ERBB4: variants seen among roughly 807,000 people sequenced by gnomAD.
ERBB4 encodes receptor tyrosine-protein kinase erbB-4.
A neutral mutation model predicts 158.0 loss-of-function variants in ERBB4; 42 were observed. The observed-to-expected ratio is 0.27, with a 90% CI of 0.21 to 0.34. The LOEUF is 0.34. ERBB4 is among the 10% of genes least tolerant of loss of function. The pLI is 1.00. For synonymous variants in ERBB4, 583 were observed against 558.7 expected, an observed-to-expected ratio of 1.04 and a Z score of -0.61; for missense variants, 1,333 against 1,624.1, an observed-to-expected ratio of 0.82 and a Z score of 3.08.
chr2:211,609,370 T>C (rs1472816269), intron 19 of ERBB4, among the ~76,000 whole-genome samples: 1 of 152,094 alleles, frequency 6.6e-6, no homozygotes, highest in East Asian at 1.9e-4. Flanking sequence ...TCAACAAGAA[T>C]TTAGACAGAC....
At chr2:211,661,649 T>C (rs2071423794) in intron 15 of ERBB4, among the ~76,000 whole-genome samples, 2 of 152,142 alleles carry the variant, frequency 1.3e-5, no homozygotes, top group African/African-American at 4.8e-5. Context: ...TAAAAGATTA[T>C]AGACAAAACT....
At chr2:212,375,668 G>A (rs1245507181) in intron 1 of ERBB4, among the ~76,000 whole-genome samples, 2 of 152,028 alleles carry the variant, frequency 1.3e-5, no homozygotes, top group Non-Finnish European at 2.9e-5. Flanking sequence ...AAAAGCTATG[G>A]ATGTATTTCC....
rs2067851968 is a variant in ERBB4 at position 211,575,140 on chromosome 2, C to T, written c.2302-13052G>A. 1.3e-5 allele frequency among the ~76,000 whole-genome samples: 2 copies of T among 152,130 alleles called. 1 individual carries two copies. The highest frequency in any genetic ancestry group is 4.1e-4 in the South Asian group (2 of 4,826). ...CATCCATAGCCTAGTCTCTTTCTGC[C>T]ATGTTTTCTCTGCAGGAGCTATTCA... On this transcript the variant is annotated intron_variant, in intron 19 of 27. Coordinates refer to ENST00000342788, the MANE Select transcript of ERBB4 (RefSeq NM_005235.3).
chr2:211,613,436 A>T (rs574110998), intron 19 of ERBB4, among the ~76,000 whole-genome samples: 4,728 of 152,022 alleles, frequency 0.031, 230 homozygotes, highest in African/African-American at 0.11. Context: ...TAGTAATTTC[A>T]AATGTGAGGC....
intron 20 of ERBB4, among the ~76,000 whole-genome samples, chr2:211,484,524 G>A (rs73069166): frequency 9.6e-4 from 146 of 152,136 alleles, no homozygotes; most frequent in African/African-American, 3.2e-3. Context: ...AAATTATAAC[G>A]TGCTAACAAT....
intron 20 of ERBB4, among the ~76,000 whole-genome samples, chr2:211,501,786 T>C (rs2065623446): frequency 6.6e-6 from 1 of 152,124 alleles, no homozygotes; most frequent in African/African-American, 2.4e-5. Context: ...ATACAATATA[T>C]AAAATCTGAC....
intron 1 of ERBB4, among the ~76,000 whole-genome samples, chr2:212,149,583 C>G (rs895370421): frequency 6.6e-6 from 1 of 152,072 alleles, no homozygotes; most frequent in South Asian, 2.1e-4. Flanking sequence ...TAAAATGTTT[C>G]AAATATGGTC....
chr2:211,804,745 C>A (rs1454104066), intron 3 of ERBB4, among the ~76,000 whole-genome samples: 2 of 151,766 alleles, frequency 1.3e-5, no homozygotes, highest in Non-Finnish European at 2.9e-5. Flanking sequence ...TTTAAAGAGA[C>A]CTGGGCTCTT....
At chr2:211,522,243 G>A (rs2066207340) in intron 20 of ERBB4, among the ~76,000 whole-genome samples, 1 of 152,130 alleles carries the variant, frequency 6.6e-6, no homozygotes, top group African/African-American at 2.4e-5. Flanking sequence ...AACATTAACA[G>A]GACTTTGGAA....
chr2:212,253,535 G>A (rs1176340670), intron 1 of ERBB4, among the ~76,000 whole-genome samples: 1 of 152,040 alleles, frequency 6.6e-6, no homozygotes, highest in Non-Finnish European at 1.5e-5. Flanking sequence ...TTGTTAAAAT[G>A]TAGGTTCTGA....
intron 1 of ERBB4, among the ~76,000 whole-genome samples, chr2:212,246,178 C>T (rs1009049023): frequency 2.6e-5 from 4 of 152,160 alleles, no homozygotes; most frequent in Admixed American, 6.5e-5. Context: ...TCACGTGTAT[C>T]TCCAATGCAA....
At chr2:211,848,794 G>T (rs1266100695) in intron 3 of ERBB4, among the ~76,000 whole-genome samples, 1 of 152,018 alleles carries the variant, frequency 6.6e-6, no homozygotes, top group Non-Finnish European at 1.5e-5. Flanking sequence ...ATGAGGGGTG[G>T]TGGAGTGTAA....
chr2:211,815,901 G>A (rs993030765), intron 3 of ERBB4, among the ~76,000 whole-genome samples: 2 of 152,144 alleles, frequency 1.3e-5, no homozygotes, highest in Admixed American at 1.3e-4. Context: ...TCCGGCCCTT[G>A]GACGTCAGAC....
At chr2:211,621,148 T>A (rs1284776030) in intron 18 of ERBB4, among the ~76,000 whole-genome samples, 1 of 151,940 alleles carries the variant, frequency 6.6e-6, no homozygotes, top group Non-Finnish European at 1.5e-5. Flanking sequence ...TAAATAAGAA[T>A]ATAAATTCAA....
intron 20 of ERBB4, among the ~76,000 whole-genome samples, chr2:211,443,635 TG>T: frequency 6.6e-6 from 1 of 152,166 alleles, no homozygotes; most frequent in Admixed American, 6.6e-5. Flanking sequence ...CATTGACATC[TG>T]GGGGAGTGGA....
At chr2:212,110,887 T>C (rs992858328) in intron 2 of ERBB4, among the ~76,000 whole-genome samples, 1 of 152,232 alleles carries the variant, frequency 6.6e-6, no homozygotes, top group African/African-American at 2.4e-5. Context: ...ATAAATGCAG[T>C]GGTCATCTAG....
At chr2:211,973,723 A>C (rs1157068041) in intron 2 of ERBB4, among the ~76,000 whole-genome samples, 4 of 152,186 alleles carry the variant, frequency 2.6e-5, no homozygotes, top group Non-Finnish European at 5.9e-5. Context: ...CAGCAATCCC[A>C]TGACTGGGTA....
intron 19 of ERBB4, among the ~76,000 whole-genome samples, chr2:211,564,132 G>C (rs1416038803): frequency 1.3e-5 from 2 of 152,122 alleles, no homozygotes; most frequent in African/African-American, 4.8e-5. Flanking sequence ...AATAAAGATA[G>C]AATAGTAAAA....
intron 3 of ERBB4, among the ~76,000 whole-genome samples, chr2:211,933,281 T>C (rs1022940160): frequency 6.6e-6 from 1 of 152,116 alleles, no homozygotes; most frequent in African/African-American, 2.4e-5. Context: ...ACATTCACTA[T>C]GTGAACAATG....
Sources: gnomAD v4.1 joint callset for allele counts (sites outside exome capture counted in the v4.1 genomes callset) on GRCh38, gnomAD v4.1.1 for gene constraint, MANE v1.5 for transcripts, NCBI Gene and HGNC (gene_info 2026-07-23, HGNC 2026-07-21) for gene names.